SKOR2: variants seen among roughly 807,000 people sequenced by gnomAD.
SKOR2 encodes the protein SKI family transcriptional corepressor 2, also known as LBX1 corepressor 1-like protein.
In SKOR2, 47 loss-of-function variants were observed where a neutral mutation model predicts 69.1. The ratio of observed to expected loss-of-function variants is 0.68; its 90% CI spans 0.54 to 0.87. The LOEUF (loss-of-function observed/expected upper bound fraction) is 0.87. Ranked by LOEUF, SKOR2 falls within the 40% of genes least tolerant of loss-of-function variation. The pLI, the probability that SKOR2 is intolerant of heterozygous loss-of-function variation, is 0.00. For synonymous variants in SKOR2, 717 were observed against 672.6 expected, an observed-to-expected ratio of 1.07 and a Z score of -1.02; for missense variants, 1,404 against 1,472.2, an observed-to-expected ratio of 0.95 and a Z score of 0.76.
chr18:47,230,643 G>A (rs1451853092), intron 5 of SKOR2, 86 bp from the exon 6 acceptor site: 25 of 892,022 alleles, frequency 2.8e-5, no homozygotes, highest in Non-Finnish European at 1.7e-5. Flanking sequence ...ATTATTATAA[G>A]ACAAAATATT....
rs927448448 is a variant in SKOR2, at chr18:47,247,498, C to T, written c.1686G>A (p.Pro562=). ...CGCTGCAGTCCCCGCCGCTGCCGCC[C>T]GGGGGCGACTCGAAGAGCGCGTCGC... ...GSRDALFESP[P]GGSGGDCSAG... Residue 562 remains proline, a synonymous_variant, in exon 2 of 9, where the codon CCG becomes CCA. Transcript: ENST00000425639. This position sits in a 1 kb window ranked among gnomAD's most constrained non-coding sequence, Gnocchi z 6.6. The T allele has an allele frequency of 1.9e-5, 23 of 1,208,710 alleles. No individual in the cohort carries two copies. Among genetic ancestry groups the T allele is most frequent in the Non-Finnish European group, 2.4e-5 (23 of 974,272 alleles). 74.9% of individuals were successfully genotyped at this position (1,208,710 alleles called of 1,614,324 possible). A position where few individuals can be genotyped will look rare whatever the true frequency, so the allele number is the denominator to read the frequency against.
intron 5 of SKOR2, 67 bp downstream of exon 5, chr18:47,230,868 T>C: frequency 4.1e-6 from 6 of 1,452,876 alleles, no homozygotes; most frequent in Non-Finnish European, 5.6e-6. Context: ...AACAAAAATA[T>C]CCTCCTATTA....
intron 6 of SKOR2, among the ~76,000 whole-genome samples, chr18:47,223,485 A>G (rs2064168141): frequency 6.6e-6 from 1 of 152,164 alleles, no homozygotes; most frequent in African/African-American, 2.4e-5. Flanking sequence ...ACACAACAAC[A>G]CTTTTAGGAG....
At chr18:47,225,057 A>G (rs930563846) in intron 6 of SKOR2, among the ~76,000 whole-genome samples, 2 of 152,176 alleles carry the variant, frequency 1.3e-5, no homozygotes, top group African/African-American at 4.8e-5. Context: ...AAGAAGAAGG[A>G]AGGAAGGAAG....
intron 6 of SKOR2, among the ~76,000 whole-genome samples, chr18:47,229,428 C>T (rs143152448): frequency 4.5e-4 from 68 of 152,124 alleles, no homozygotes; most frequent in Non-Finnish European, 8.7e-4. Context: ...CCGAGGTGGG[C>T]GGATCACCTG....
At chr18:47,219,107 G>A (rs925150654) in intron 7 of SKOR2, among the ~76,000 whole-genome samples, 2 of 152,204 alleles carry the variant, frequency 1.3e-5, no homozygotes, top group Non-Finnish European at 2.9e-5. Context: ...TTGAAAGGTA[G>A]CACGGATCAG....
intron 6 of SKOR2, among the ~76,000 whole-genome samples, chr18:47,226,536 C>T (rs1422089675): frequency 1.3e-5 from 2 of 152,154 alleles, no homozygotes; most frequent in Non-Finnish European, 2.9e-5. Flanking sequence ...GTATATCCTC[C>T]CTACCTCTCT....
intron 6 of SKOR2, 46 bp from the exon 7 acceptor site, chr18:47,220,056 C>A (rs1289502704): frequency 2.7e-6 from 4 of 1,474,064 alleles, no homozygotes; most frequent in Admixed American, 4.1e-5. Context: ...AGTGTAAAAT[C>A]TACTTTTAGT....
intron 8 of SKOR2, among the ~76,000 whole-genome samples, chr18:47,211,091 C>G (rs2064126475): frequency 6.6e-6 from 1 of 152,034 alleles, no homozygotes; most frequent in Non-Finnish European, 1.5e-5. Flanking sequence ...TCATTTGTAC[C>G]TGATAGAGGA....
chr18:47,243,943 T>C (rs954955456), intron 4 of SKOR2, among the ~76,000 whole-genome samples: 5 of 152,184 alleles, frequency 3.3e-5, no homozygotes, highest in Non-Finnish European at 7.4e-5. Flanking sequence ...TCAACACTTA[T>C]ACCATATTCA....
chr18:47,246,468 A>G (rs961009194), intron 2 of SKOR2, 103 bp downstream of exon 2: 5 of 1,330,460 alleles, frequency 3.8e-6, no homozygotes, highest in Middle Eastern at 2.2e-4. Context: ...TTCTGTGGGG[A>G]AATCTGGTGA....
Position 47,248,564 on chromosome 18 carries a change from T to C in SKOR2, c.620A>G (p.Asn207Ser). ...KYTQPDAANF[N>S]SWRRHLKLTD... ...GAGCTTGAGATGACGGCGCCACGAG[T>C]TGAAGTTGGCTGCGTCTGGCTGAGT... The change falls in exon 2 of 9, where the codon AAC becomes AGC. Residue 207 changes from asparagine (N) to serine (S), a missense_variant. By Grantham distance (46) the Asn-to-Ser change is conservative. Transcript: ENST00000425639. The surrounding 1 kb of genome is among the most constrained non-coding windows in gnomAD (Gnocchi z 6.4). 1 of 1,537,630 alleles carries C rather than the reference T, an allele frequency of 6.5e-7. No homozygotes were observed. Among genetic ancestry groups the C allele is most frequent in the Non-Finnish European group, 8.7e-7 (1 of 1,147,086 alleles).
At chr18:47,210,652 GAGAA>G (rs2064125125) in intron 8 of SKOR2, among the ~76,000 whole-genome samples, 2 of 152,210 alleles carry the variant, frequency 1.3e-5, no homozygotes, top group South Asian at 4.2e-4. Flanking sequence ...CTACTACACT[GAGAA>G]AGAAATTGCC....
intron 7 of SKOR2, 170 bp downstream of exon 7, chr18:47,219,773 C>T (rs1468829126): frequency 1.7e-6 from 1 of 590,382 alleles, no homozygotes; most frequent in Non-Finnish European, 3.0e-6. Context: ...ACTGCCACAT[C>T]TGTTTATCCT....
In SKOR2 at chr18:47,211,069, T is replaced by C. The variant is rs577623398; in HGVS notation, c.*3+1017A>G. On this transcript the variant is annotated intron_variant, in intron 8 of 8. Coordinates refer to ENST00000425639, the MANE Select transcript of SKOR2 (RefSeq NM_001278063.4). Reference sequence around the variant, plus strand: ...TGAAGACTACTACTAATAAAGATAATGGCAAGAAAAGTCATTTGTACCTGA... The same window carrying C: ...TGAAGACTACTACTAATAAAGATAACGGCAAGAAAAGTCATTTGTACCTGA... Among the ~76,000 whole-genome samples, 35 of 152,300 alleles carry C rather than the reference T, an allele frequency of 2.3e-4. 1 individual carries two copies. In the South Asian group the frequency reaches 7.1e-3, roughly 31 times the overall value.
At chr18:47,208,946 A>G (rs72911207) in intron 8 of SKOR2, among the ~76,000 whole-genome samples, 1 of 152,208 alleles carries the variant, frequency 6.6e-6, no homozygotes, top group African/African-American at 2.4e-5. Flanking sequence ...AATGGGGACT[A>G]TGCTTAGGTT....
intron 4 of SKOR2, among the ~76,000 whole-genome samples, chr18:47,239,643 TC>T (rs770955547): frequency 2.2e-4 from 34 of 152,354 alleles, no homozygotes; most frequent in Non-Finnish European, 4.0e-4. Flanking sequence ...TAATTTTTTT[TC>T]CTGGACATTT....
At chr18:47,225,261 T>G (rs2064174780) in intron 6 of SKOR2, among the ~76,000 whole-genome samples, 1 of 152,190 alleles carries the variant, frequency 6.6e-6, no homozygotes, top group South Asian at 2.1e-4. Context: ...AAAGCCCCAT[T>G]CATTAGTGCT....
In SKOR2 at chr18:47,242,870, C is replaced by T. The variant is rs534625108; in HGVS notation, c.2752+2038G>A. Reference sequence around the variant, plus strand: ...CTAATTTTAACAAGCGACTCTAAAGCTTGTCTTAATACTGGTGAATGGAAA... The same window carrying T: ...CTAATTTTAACAAGCGACTCTAAAGTTTGTCTTAATACTGGTGAATGGAAA... On this transcript the variant is annotated intron_variant, in intron 4 of 8. Transcript: ENST00000425639. Among the ~76,000 whole-genome samples, 68 of 152,230 alleles carry T rather than the reference C, an allele frequency of 4.5e-4. 1 individual carries two copies. The South Asian group carries it at 0.014, about 31-fold the overall frequency.
Sources: allele counts gnomAD v4.1 joint callset (sites outside exome capture counted in the v4.1 genomes callset), GRCh38; gene constraint gnomAD v4.1.1; non-coding constraint Gnocchi (gnomAD v3.1); transcripts MANE v1.5; gene names NCBI Gene and HGNC (gene_info 2026-07-23, HGNC 2026-07-21).